The following CCSER2 variants were observed in gnomAD, a reference collection of about 807,000 sequenced individuals.
The protein encoded by CCSER2 is coiled-coil serine rich protein 2, also known as serine-rich coiled-coil domain-containing protein 2.
In CCSER2, 46 loss-of-function variants were observed where a neutral mutation model predicts 92.3. The observed-to-expected ratio is 0.50, with a 90% CI of 0.39 to 0.64. CCSER2 has a LOEUF of 0.64. Among genes scored for constraint, CCSER2 ranks in the 30% least tolerant of loss-of-function variants. CCSER2 has a pLI of 0.00. For synonymous variants in CCSER2, 433 were observed against 431.4 expected, an observed-to-expected ratio of 1.00 and a Z score of -0.04; for missense variants, 1,244 against 1,238.9, an observed-to-expected ratio of 1.00 and a Z score of -0.06.
intron 6 of CCSER2, among the ~76,000 whole-genome samples, chr10:84,446,375 A>G (rs896700387): frequency 1.3e-5 from 2 of 152,170 alleles, no homozygotes; most frequent in Admixed American, 6.5e-5. Context: ...AATAAAACCA[A>G]TAATTTTTCC....
intron 6 of CCSER2, 104 bp from the exon 7 acceptor site, chr10:84,463,829 T>C: frequency 1.4e-6 from 1 of 690,058 alleles, no homozygotes; most frequent in South Asian, 1.9e-5. Flanking sequence ...ATGCTAGCAT[T>C]TGGTCTTCAC....
At chr10:84,348,494 G>GAGAGGA (rs1844674834) in intron 1 of CCSER2, among the ~76,000 whole-genome samples, 1 of 152,062 alleles carries the variant, frequency 6.6e-6, no homozygotes, top group African/African-American at 2.4e-5. Context: ...AGACCGTGGG[G>GAGAGGA]AGAGGAAGAG....
At chr10:84,401,304 A>G (rs1396438795) in intron 3 of CCSER2, among the ~76,000 whole-genome samples, 3 of 152,208 alleles carry the variant, frequency 2.0e-5, no homozygotes, top group Admixed American at 1.3e-4. Context: ...ATTGATAAAC[A>G]TTTAGCAAGA....
intron 6 of CCSER2, among the ~76,000 whole-genome samples, chr10:84,458,966 C>T (rs1351536887): frequency 6.6e-6 from 1 of 151,658 alleles, no homozygotes; most frequent in Non-Finnish European, 1.5e-5. Flanking sequence ...GTATATTGAC[C>T]TTGTATCCTG....
intron 4 of CCSER2, among the ~76,000 whole-genome samples, chr10:84,422,311 C>A (rs980873951): frequency 6.6e-6 from 1 of 152,140 alleles, no homozygotes; most frequent in African/African-American, 2.4e-5. Context: ...GTTTTGGTGA[C>A]CCTGAGTGTA....
chr10:84,411,817 T>A (rs1842664387), intron 3 of CCSER2, among the ~76,000 whole-genome samples: 1 of 152,228 alleles, frequency 6.6e-6, no homozygotes, highest in African/African-American at 2.4e-5. Context: ...TCTTGACTGA[T>A]TGCCCTGGCC....
intron 3 of CCSER2, among the ~76,000 whole-genome samples, chr10:84,409,907 C>T (rs1842565124): frequency 6.6e-6 from 1 of 152,080 alleles, no homozygotes; most frequent in African/African-American, 2.4e-5. Context: ...TGATCCAATC[C>T]CTCCTCCCAC....
intron 3 of CCSER2, among the ~76,000 whole-genome samples, chr10:84,398,321 G>A (rs745771447): frequency 2.6e-5 from 4 of 152,090 alleles, no homozygotes; most frequent in Non-Finnish European, 5.9e-5. Flanking sequence ...AGATAATCCA[G>A]GATAATACCT....
At chr10:84,441,620 A>G (rs1256510613) in intron 6 of CCSER2, among the ~76,000 whole-genome samples, 1 of 151,334 alleles carries the variant, frequency 6.6e-6, no homozygotes, top group African/African-American at 2.4e-5. Context: ...TTGTGTGGAT[A>G]TCAGTGGACC....
intron 4 of CCSER2, among the ~76,000 whole-genome samples, chr10:84,418,846 A>T (rs1843000734): frequency 6.6e-6 from 1 of 152,122 alleles, no homozygotes; most frequent in East Asian, 1.9e-4. Flanking sequence ...GGATCTAAGG[A>T]TTAGCTGGGA....
chr10:84,410,300 A>C (rs1296934537), intron 3 of CCSER2, among the ~76,000 whole-genome samples: 1 of 152,182 alleles, frequency 6.6e-6, no homozygotes, highest in Non-Finnish European at 1.5e-5. Flanking sequence ...TTACTGGGTC[A>C]AATGGCATGT....
intron 9 of CCSER2, among the ~76,000 whole-genome samples, chr10:84,485,583 C>T (rs1187472205): frequency 6.6e-6 from 1 of 152,058 alleles, no homozygotes; most frequent in Non-Finnish European, 1.5e-5. Context: ...AGTACTGTTC[C>T]ATGATATGGG....
intron 3 of CCSER2, among the ~76,000 whole-genome samples, chr10:84,378,040 G>T (rs1589486288): frequency 6.6e-6 from 1 of 152,254 alleles, no homozygotes; most frequent in African/African-American, 2.4e-5. Context: ...CACCACCCCA[G>T]CGCTTGCCCT....
chr10:84,351,675 G>C (rs972534855), intron 1 of CCSER2, among the ~76,000 whole-genome samples: 1 of 152,160 alleles, frequency 6.6e-6, no homozygotes, highest in Non-Finnish European at 1.5e-5. Context: ...TGGCCCAGAA[G>C]TTTTAAAATA....
intron 6 of CCSER2, among the ~76,000 whole-genome samples, chr10:84,452,826 C>T (rs1212068243): frequency 2.6e-5 from 4 of 152,056 alleles, no homozygotes; most frequent in Non-Finnish European, 4.4e-5. Context: ...TTATGATCCC[C>T]GCCGCCCCCC....
chr10:84,470,703 T>C (rs1167400026), intron 8 of CCSER2, among the ~76,000 whole-genome samples: 1 of 152,112 alleles, frequency 6.6e-6, no homozygotes, highest in Admixed American at 6.5e-5. Flanking sequence ...ATTTAAAATT[T>C]ACCAATTTAC....
intron 9 of CCSER2, among the ~76,000 whole-genome samples, chr10:84,506,412 C>T (rs564995244): frequency 1.3e-3 from 196 of 152,254 alleles, no homozygotes; most frequent in Admixed American, 1.8e-3. Context: ...CAAATTAAGT[C>T]TTTCTATACT....
chr10:84,501,103 C>T (rs1213171277), intron 9 of CCSER2, among the ~76,000 whole-genome samples: 2 of 151,438 alleles, frequency 1.3e-5, no homozygotes, highest in African/African-American at 4.8e-5. Context: ...TTTTTTTGTC[C>T]TCCTCCTTTT....
At chr10:84,397,333 C>G (rs762694140) in intron 3 of CCSER2, among the ~76,000 whole-genome samples, 2 of 152,124 alleles carry the variant, frequency 1.3e-5, no homozygotes, top group Non-Finnish European at 2.9e-5. Flanking sequence ...AAAAGAAAAG[C>G]TTTTAAAAAA....
Sources: gnomAD v4.1 joint callset for allele counts (sites outside exome capture counted in the v4.1 genomes callset) on GRCh38, gnomAD v4.1.1 for gene constraint, MANE v1.5 for transcripts, NCBI Gene and HGNC (gene_info 2026-07-23, HGNC 2026-07-21) for gene names.